The following WDR33 variants were observed in gnomAD, a reference collection of about 807,000 sequenced individuals.
The protein encoded by WDR33 is pre-mRNA 3' end processing protein WDR33.
A neutral mutation model predicts 164.9 loss-of-function variants in WDR33; 47 were observed. That is an observed-to-expected ratio of 0.29 (90% CI 0.23 to 0.36). The LOEUF (loss-of-function observed/expected upper bound fraction) is 0.36. Ranked by LOEUF, WDR33 falls within the 10% of genes least tolerant of loss-of-function variation. WDR33 has a pLI of 1.00. For missense variants in WDR33, 1,137 were observed against 1,754.1 expected (o/e 0.65, Z 6.28); for synonymous variants, 505 against 589.0 (o/e 0.86, Z 2.06).
chr2:127,784,328 A>T (rs895178374), intron 1 of WDR33, among the ~76,000 whole-genome samples: 2 of 152,204 alleles, frequency 1.3e-5, no homozygotes, highest in African/African-American at 4.8e-5. Context: ...TTTCCCAAAA[A>T]CAAGCACTAA....
intron 1 of WDR33, among the ~76,000 whole-genome samples, chr2:127,799,665 G>A (rs1392373242): frequency 1.3e-5 from 2 of 152,138 alleles, no homozygotes; most frequent in African/African-American, 4.8e-5. Context: ...CATGGTGGCA[G>A]GCACCTGTAA....
chr2:127,733,194 C>T (rs1013022549), intron 7 of WDR33, among the ~76,000 whole-genome samples: 7 of 152,030 alleles, frequency 4.6e-5, no homozygotes, highest in South Asian at 4.2e-4. Context: ...AGAATCAAGC[C>T]CCTGACAACA....
chr2:127,782,764 CTT>C (rs1022771228), intron 1 of WDR33, among the ~76,000 whole-genome samples: 120 of 152,294 alleles, frequency 7.9e-4, no homozygotes, highest in African/African-American at 2.7e-3. Flanking sequence ...AATCCCAACA[CTT>C]TGGGAGGCCG....
chr2:127,777,809 G>C (rs144017515), intron 1 of WDR33, among the ~76,000 whole-genome samples: 7 of 152,092 alleles, frequency 4.6e-5, no homozygotes, highest in Non-Finnish European at 5.9e-5. Flanking sequence ...GACAGATCTT[G>C]CTTTGTTGCC....
rs567096142 is a variant in WDR33, at chr2:127,807,418, A to G, written c.-24+3594T>C. Among the ~76,000 whole-genome samples, 9 of 152,352 alleles carry G rather than the reference A, an allele frequency of 5.9e-5. No individual in the cohort carries two copies. In the South Asian group the frequency reaches 1.9e-3, roughly 32 times the overall value. ...CAAACAGAGTAGAGAGCAGGTGCCT[A>G]TAACAACAAACTGCCTAAAGCACAG... On this transcript the variant is annotated intron_variant, in intron 1 of 21. Transcript: ENST00000322313.
Position 127,764,402 on chromosome 2 carries a change from A to C in WDR33, c.626+426T>G. 1.4e-6 allele frequency: 2 copies of C among 1,445,454 alleles called. No individual in the cohort carries two copies. The highest frequency in any genetic ancestry group is 9.1e-7 in the Non-Finnish European group (1 of 1,102,224). The allele number at this position is 1,445,454 out of a possible 1,614,324, so 89.5% of individuals were successfully genotyped here. A position where few individuals can be genotyped will look rare whatever the true frequency, so the allele number is the denominator to read the frequency against. On this transcript the variant is annotated intron_variant, in intron 6 of 21. Coordinates refer to ENST00000322313, the MANE Select transcript of WDR33 (RefSeq NM_018383.5). The surrounding 1 kb of genome is among the most constrained non-coding windows in gnomAD (Gnocchi z 6.2). ...AACCAAGCCAACCAGGTCTTCACTT[A>C]AGCCTTTTTCCACTTTGTGTGAATT...
At chr2:127,753,973 T>G (rs1307166276) in intron 7 of WDR33, among the ~76,000 whole-genome samples, 2 of 152,188 alleles carry the variant, frequency 1.3e-5, no homozygotes, top group Non-Finnish European at 2.9e-5. Context: ...ACTCCTAAAA[T>G]TATTCCATTT....
chr2:127,802,375 G>A (rs1033409314), intron 1 of WDR33, among the ~76,000 whole-genome samples: 3 of 152,078 alleles, frequency 2.0e-5, no homozygotes, highest in South Asian at 2.1e-4. Flanking sequence ...TCCGTCTCCT[G>A]GGTGCAAGCA....
intron 7 of WDR33, among the ~76,000 whole-genome samples, chr2:127,733,524 A>C (rs1398254437): frequency 6.6e-6 from 1 of 152,206 alleles, no homozygotes; most frequent in Non-Finnish European, 1.5e-5. Flanking sequence ...CAAATACTTA[A>C]GAATTTAACC....
At chr2:127,768,097 A>C in intron 4 of WDR33, 92 bp downstream of exon 4, 2 of 758,284 alleles carry the variant, frequency 2.6e-6, no homozygotes, top group Non-Finnish European at 3.8e-6. Context: ...ATATACTTTT[A>C]AAATAATGTT....
chr2:127,736,139 T>C, intron 7 of WDR33: 3 of 985,410 alleles, frequency 3.0e-6, no homozygotes, highest in Non-Finnish European at 3.6e-6. Flanking sequence ...TACAAATCTG[T>C]GGGAGAATTT....
intron 7 of WDR33, among the ~76,000 whole-genome samples, chr2:127,759,048 AG>A (rs918636216): frequency 6.6e-6 from 1 of 152,202 alleles, no homozygotes. Context: ...TTGGGAAGCT[AG>A]GGGAAATTTC....
At chr2:127,806,982 T>C (rs2104692349) in intron 1 of WDR33, among the ~76,000 whole-genome samples, 1 of 152,278 alleles carries the variant, frequency 6.6e-6, no homozygotes, top group African/African-American at 2.4e-5. Context: ...TTCACTGTAG[T>C]ATTCTTTCAC....
intron 1 of WDR33, among the ~76,000 whole-genome samples, chr2:127,779,293 C>A (rs1335828531): frequency 1.3e-5 from 2 of 151,760 alleles, no homozygotes; most frequent in African/African-American, 4.8e-5. Flanking sequence ...TATGGTGAAA[C>A]CCCATCTCTA....
In WDR33 at chr2:127,730,463, T is replaced by TA. The variant is rs143375540; in HGVS notation, c.725-3687dup. 4.3e-3 allele frequency among the ~76,000 whole-genome samples: 641 copies of TA among 150,422 alleles called. 4 individuals carry two copies. Among genetic ancestry groups the TA allele is most frequent in the Non-Finnish European group, 6.5e-3 (438 of 67,794 alleles). ...ATTCATCCTAATAATTTAAGTGGATTAAAAAAAAACCTTTGATATGTAAAA... is the reference window on the plus strand; with the variant it reads ...ATTCATCCTAATAATTTAAGTGGATTAAAAAAAAAACCTTTGATATGTAAAA... On this transcript the variant is annotated intron_variant, in intron 7 of 21. Transcript: ENST00000322313.
rs1441467223 is a variant in WDR33, at chr2:127,741,367, C to A, written c.725-14590G>T. Among the ~76,000 whole-genome samples, 1 of 152,128 alleles carries A rather than the reference C, an allele frequency of 6.6e-6. No individual in the cohort carries two copies. Among genetic ancestry groups the A allele is most frequent in the East Asian group, 1.9e-4 (1 of 5,200 alleles). On this transcript the variant is annotated intron_variant, in intron 7 of 21. Transcript: ENST00000322313. This position sits in a 1 kb window ranked among gnomAD's most constrained non-coding sequence, Gnocchi z 4.1. ...AGGGAGGAGAGAAAGATGGCAGTTC[C>A]ACTTAAGAGTGGAATAAACTTAAGC...
At position 127,722,528 on chromosome 2, in the gene WDR33, G is replaced by T. The variant is rs1686465430; in HGVS notation, c.1518+63C>A. 22 of 1,575,964 alleles carry T rather than the reference G, an allele frequency of 1.4e-5. 1 individual carries two copies. In the South Asian group the frequency reaches 2.6e-4, roughly 19 times the overall value. On this transcript the variant is annotated intron_variant, in intron 14 of 21. Transcript: ENST00000322313. The surrounding 1 kb of genome is among the most constrained non-coding windows in gnomAD (Gnocchi z 5.1). ...CCTTCAACAGTGAGATAATCCAAGA[G>T]AAACCTCAAACTAACCAACCAAAAC...
chr2:127,733,764 T>C (rs1453269335), intron 7 of WDR33, among the ~76,000 whole-genome samples: 1 of 152,086 alleles, frequency 6.6e-6, no homozygotes, highest in Admixed American at 6.5e-5. Context: ...CTAAAGAAAG[T>C]GTCCCTTTAA....
At position 127,773,816 on chromosome 2, in the gene WDR33, T is replaced by G. The variant is rs1012045404; in HGVS notation, c.-23-2812A>C. Among the ~76,000 whole-genome samples the G allele has an allele frequency of 3.3e-5, 5 of 152,228 alleles. No individual in the cohort carries two copies. In the East Asian group the frequency reaches 9.6e-4, roughly 29 times the overall value. Reference sequence around the variant, plus strand: ...TCTCGCTCTGTTGCCCAGGCTGGAGTGCAGTGGTGCGATCTCGGCTCACTG... The same window carrying G: ...TCTCGCTCTGTTGCCCAGGCTGGAGGGCAGTGGTGCGATCTCGGCTCACTG... On this transcript the variant is annotated intron_variant, in intron 1 of 21. Coordinates refer to ENST00000322313, the MANE Select transcript of WDR33 (RefSeq NM_018383.5).
Sources: allele counts gnomAD v4.1 joint callset (sites outside exome capture counted in the v4.1 genomes callset), GRCh38; gene constraint gnomAD v4.1.1; non-coding constraint Gnocchi (gnomAD v3.1); transcripts MANE v1.5; gene names NCBI Gene and HGNC (gene_info 2026-07-23, HGNC 2026-07-21).